Variants in ATP6V0A1 observed in about 807,000 individuals in gnomAD.
ATP6V0A1 encodes the protein ATPase H+ transporting V0 subunit a1.
ATP6V0A1 carries 43 observed loss-of-function variants against 105.4 expected under a neutral mutation model. The ratio of observed to expected loss-of-function variants is 0.41; its 90% CI spans 0.32 to 0.53. ATP6V0A1 has a LOEUF of 0.53. ATP6V0A1 is among the 20% of genes least tolerant of loss of function. The pLI, the probability that ATP6V0A1 is intolerant of heterozygous loss-of-function variation, is 0.30. For synonymous variants in ATP6V0A1, 362 were observed against 372.8 expected (o/e 0.97, Z 0.33); for missense variants, 676 against 1,051.1 (o/e 0.64, Z 4.93).
chr17:42,518,492 A>G (rs1463568112), intron 21 of ATP6V0A1: 2 of 152,276 alleles, frequency 1.3e-5, no homozygotes, highest in Non-Finnish European at 1.5e-5. Flanking sequence ...AGAACAGGCT[A>G]CATAAACAGC....
At chr17:42,459,550 TC>T (rs949131852) in intron 1 of ATP6V0A1, among the ~76,000 whole-genome samples, 10 of 152,210 alleles carry the variant, frequency 6.6e-5, no homozygotes, top group Non-Finnish European at 1.3e-4. Context: ...AGACCTATAA[TC>T]ATTAAAGAGC....
intron 6 of ATP6V0A1, 115 bp from the exon 7 acceptor site, chr17:42,478,348 C>T: frequency 4.1e-6 from 3 of 734,182 alleles, no homozygotes; most frequent in Non-Finnish European, 5.1e-6. Context: ...TACCCTAGAA[C>T]TTAAAGTATA....
chr17:42,489,295 G>A (rs2090411518), intron 10 of ATP6V0A1, among the ~76,000 whole-genome samples: 1 of 151,894 alleles, frequency 6.6e-6, no homozygotes, highest in Admixed American at 6.6e-5. Flanking sequence ...TGACCAAGCT[G>A]GTGTCGAACT....
intron 8 of ATP6V0A1, among the ~76,000 whole-genome samples, chr17:42,482,655 G>A (rs1332462468): frequency 6.6e-6 from 1 of 151,942 alleles, no homozygotes. Context: ...TCAGCACTTT[G>A]GGAGGCCGAG....
intron 1 of ATP6V0A1, chr17:42,460,430 G>A (rs2086270582): frequency 6.3e-6 from 1 of 157,948 alleles, no homozygotes; most frequent in South Asian, 1.8e-4. Flanking sequence ...ACATCTTTAT[G>A]AGAGGGTATT....
chr17:42,500,995 TA>T, intron 16 of ATP6V0A1, 72 bp downstream of exon 16: 1 of 1,491,744 alleles, frequency 6.7e-7, no homozygotes. Context: ...TCTCTGACCC[TA>T]AAAAATTTAT....
intron 9 of ATP6V0A1, among the ~76,000 whole-genome samples, chr17:42,486,710 C>T (rs2090148008): frequency 6.6e-6 from 1 of 152,012 alleles, no homozygotes; most frequent in African/African-American, 2.4e-5. Context: ...TGGTGGTATT[C>T]AGCACTGCCT....
intron 5 of ATP6V0A1, chr17:42,471,389 T>A (rs2087913354): frequency 7.0e-6 from 1 of 143,418 alleles, no homozygotes; most frequent in African/African-American, 2.6e-5. Context: ...GCCACTGCAC[T>A]CCAGCCTGGG....
Position 42,512,275 on chromosome 17 carries a change from C to T in ATP6V0A1, c.2131-1586C>T, listed in dbSNP as rs113328821. 5.4e-3 allele frequency among the ~76,000 whole-genome samples: 817 copies of T among 152,306 alleles called. 2 individuals are homozygous for T. Among genetic ancestry groups the T allele is most frequent in the Non-Finnish European group, 8.8e-3 (597 of 68,010 alleles). On this transcript the variant is annotated intron_variant, in intron 19 of 21. Coordinates refer to ENST00000343619, the MANE Select transcript of ATP6V0A1 (RefSeq NM_001130021.3). ...GCAAGGGTAAGGCCTGGAAGCGAGG[C>T]TTCTCTCCTGTCCTGCAGTTTATTC... is the stretch of plus-strand genomic sequence containing the variant.
rs999446258 is a variant in ATP6V0A1, at chr17:42,480,671, A to T, written c.638A>T (p.Asp213Val). 2 of 1,610,844 alleles carry T rather than the reference A, an allele frequency of 1.2e-6. No homozygotes were observed. Among genetic ancestry groups the T allele is most frequent in the Non-Finnish European group, 1.7e-6 (2 of 1,178,994 alleles). The change falls in exon 8 of 22, where the codon GAC becomes GTC. Residue 213 changes from aspartate to valine, a missense_variant. This residue lies in a region of ATP6V0A1 where 239 missense variants were observed against 388.4 expected (regional missense o/e 0.62). Coordinates refer to ENST00000343619, the MANE Select transcript of ATP6V0A1 (RefSeq NM_001130021.3). ...TTTTTTTATTCTGGGGCCTAGGGCG[A>T]CTACGTGCACAAGTCTGTGTTTATC... Reference protein sequence around the residue: ...ENPLEDPVTGDYVHKSVFIIF... With the variant: ...ENPLEDPVTGVYVHKSVFIIF...
chr17:42,463,365 C>T (rs2086668772), intron 2 of ATP6V0A1, among the ~76,000 whole-genome samples: 1 of 152,098 alleles, frequency 6.6e-6, no homozygotes, highest in Non-Finnish European at 1.5e-5. Flanking sequence ...AGTTGCTACC[C>T]TTCATAGGTA....
chr17:42,500,537 G>A (rs2091586589), intron 15 of ATP6V0A1, among the ~76,000 whole-genome samples, 170 bp from the exon 16 acceptor site: 1 of 152,168 alleles, frequency 6.6e-6, no homozygotes, highest in Non-Finnish European at 1.5e-5. Flanking sequence ...GACCGTGATA[G>A]TTAATCCTGC....
chr17:42,508,527 G>T, intron 18 of ATP6V0A1, 45 bp from the exon 19 acceptor site: 1 of 1,613,182 alleles, frequency 6.2e-7, no homozygotes, highest in Non-Finnish European at 8.5e-7. Flanking sequence ...TTGTGACCTT[G>T]TGTGTGGCGT....
chr17:42,468,991 G>A (rs1488277155), intron 4 of ATP6V0A1, among the ~76,000 whole-genome samples: 1 of 151,994 alleles, frequency 6.6e-6, no homozygotes, highest in African/African-American at 2.4e-5. Context: ...GACGATAGCT[G>A]TGTGCCAACA....
At position 42,495,652 on chromosome 17, in the gene ATP6V0A1, T is replaced by C. The variant is rs147306624; in HGVS notation, c.1496T>C (p.Val499Ala). The part of the protein sequence containing the change: ...WTEETLRGNP[V>A]LQLNPALPGV... ...GAAGAGACGCTTCGGGGGAACCCTGTTCTACAGCTGAACCCAGCCCTCCCT... is the reference window on the plus strand; with the variant it reads ...GAAGAGACGCTTCGGGGGAACCCTGCTCTACAGCTGAACCCAGCCCTCCCT... The change falls in exon 14 of 22, where the codon GTT becomes GCT. Residue 499 changes from valine to alanine, a missense_variant. Val to Ala is a moderately conservative substitution (Grantham distance 64). Around this residue, in one of 3 missense-constraint regions of ATP6V0A1, gnomAD observed 435 missense variants for 642.2 expected, o/e 0.68. Coordinates refer to ENST00000343619, the MANE Select transcript of ATP6V0A1 (RefSeq NM_001130021.3). 196 of 1,614,018 alleles carry C rather than the reference T, an allele frequency of 1.2e-4. No homozygotes were observed. The African/African-American group carries it at 2.1e-3, about 17-fold the overall frequency.
At position 42,514,428 on chromosome 17, in the gene ATP6V0A1, C is replaced by A. The variant is rs1458465675; in HGVS notation, c.2388C>A (p.Leu796=). ...TVAILLIMEG[L]SAFLHALRLH... ...CCATCCTCCTGATCATGGAGGGCCT[C>A]TCGGCCTTTCTCCACGCACTGCGCT... is the stretch of plus-strand genomic sequence containing the variant. The change falls in exon 21 of 22, where the codon CTC becomes CTA. Residue 796 remains leucine (L), a synonymous_variant. Transcript: ENST00000343619. 1.2e-6 allele frequency: 2 copies of A among 1,609,920 alleles called. No homozygotes were observed. The highest frequency in any genetic ancestry group is 1.7e-6 in the Non-Finnish European group (2 of 1,178,076).
chr17:42,507,547 G>A lies in ATP6V0A1; in HGVS notation c.2032G>A (p.Val678Met). 6.2e-7 allele frequency: 1 copy of A among 1,613,440 alleles called. No homozygotes were observed. Among genetic ancestry groups the A allele is most frequent in the South Asian group, 1.1e-5 (1 of 91,068 alleles). The change falls in exon 18 of 22, where the codon GTG (valine) becomes ATG (methionine). Residue 678 changes from valine (V) to methionine (M), a missense_variant. By Grantham distance (21) the Val-to-Met change is conservative. Transcript: ENST00000343619. Reference sequence around the variant, plus strand: ...AACTCTCAACTTTGGTGGGATCAGGGTGGGCAACGGACCGACAGAGGAGGA... The same window carrying A: ...AACTCTCAACTTTGGTGGGATCAGGATGGGCAACGGACCGACAGAGGAGGA... The part of the protein sequence containing the change: ...LGTLNFGGIR[V>M]GNGPTEEDAE...
intron 2 of ATP6V0A1, among the ~76,000 whole-genome samples, chr17:42,462,450 C>G (rs1234176070): frequency 1.3e-5 from 2 of 151,670 alleles, no homozygotes; most frequent in Non-Finnish European, 2.9e-5. Context: ...AGACAGAGTC[C>G]ACTCTGTCGC....
chr17:42,519,175 TC>T (rs2092740559), intron 21 of ATP6V0A1: 2 of 152,218 alleles, frequency 1.3e-5, no homozygotes, highest in African/African-American at 4.8e-5. Context: ...CAGGCATATA[TC>T]CCTCTTCCTC....
Sources: allele counts gnomAD v4.1 joint callset (sites outside exome capture counted in the v4.1 genomes callset), GRCh38; gene constraint gnomAD v4.1.1; regional missense constraint gnomAD v4.1.1; transcripts MANE v1.5; gene names NCBI Gene and HGNC (gene_info 2026-07-23, HGNC 2026-07-21).